The following USP21 variants were observed in gnomAD, a reference collection of about 807,000 sequenced individuals.
USP21 encodes the protein ubiquitin carboxyl-terminal hydrolase 21.
A neutral mutation model predicts 70.8 loss-of-function variants in USP21; 37 were observed. That is an observed-to-expected ratio of 0.52 (90% confidence interval 0.40 to 0.69). The LOEUF is 0.69. Among genes scored for constraint, USP21 ranks in the 30% least tolerant of loss-of-function variants. USP21 has a pLI of 0.00. For synonymous variants in USP21, 263 were observed against 283.1 expected (o/e 0.93, Z 0.71); for missense variants, 584 against 740.8 (o/e 0.79, Z 2.46).
chr1:161,165,721 A>C lies in USP21; in HGVS notation c.*274A>C. 1 of 359,472 alleles carries C rather than the reference A, an allele frequency of 2.8e-6. No individual in the cohort carries two copies. Among genetic ancestry groups the C allele is most frequent in the East Asian group, 4.5e-5 (1 of 22,374 alleles). The allele number at this position is 359,472 out of a possible 1,614,324, so 22.3% of individuals were successfully genotyped here. On this transcript the variant is annotated 3_prime_UTR_variant, in exon 14 of 14. Transcript: ENST00000368002. ...TTTTGTGAATAAATTTATTAAGAAAAAATGATGTGCTTATTTGTATTTTTG... is the reference window on the plus strand; with the variant it reads ...TTTTGTGAATAAATTTATTAAGAAACAATGATGTGCTTATTTGTATTTTTG...
Position 161,161,872 on chromosome 1 carries a change from A to C in USP21, c.601-166A>C, listed in dbSNP as rs1181758277. On this transcript the variant is annotated intron_variant, in intron 3 of 13. Transcript: ENST00000368002. The surrounding 1 kb of genome is among the most constrained non-coding windows in gnomAD (Gnocchi z 4.2). ...TTCAGCTGTGATGGGCTTACTGCTC[A>C]TGACCAGTGAGGTAGGGAGACTAGA... The C allele has an allele frequency of 1.4e-6, 1 of 690,416 alleles. No individual in the cohort carries two copies. Among genetic ancestry groups the C allele is most frequent in the East Asian group, 2.7e-5 (1 of 37,364 alleles). 42.8% of individuals were successfully genotyped at this position (690,416 alleles called of 1,614,324 possible). A position where few individuals can be genotyped will look rare whatever the true frequency, so the allele number is the denominator to read the frequency against.
rs371345569 is a variant in USP21, at chr1:161,161,923, A to G, written c.601-115A>G. The G allele has an allele frequency of 5.0e-6, 5 of 999,222 alleles. 1 individual carries two copies. The highest frequency in any genetic ancestry group is 8.0e-6 in the Non-Finnish European group (5 of 624,074). 61.9% of individuals were successfully genotyped at this position (999,222 alleles called of 1,614,324 possible). On this transcript the variant is annotated intron_variant, in intron 3 of 13. Transcript: ENST00000368002. This position sits in a 1 kb window ranked among gnomAD's most constrained non-coding sequence, Gnocchi z 4.2. ...ATACCTAGTGAGGGGAATAGGGTAGAGTTTGGGGATGAAACATGCATGGGA... is the reference window on the plus strand; with the variant it reads ...ATACCTAGTGAGGGGAATAGGGTAGGGTTTGGGGATGAAACATGCATGGGA...
Position 161,161,399 on chromosome 1 carries a change from C to A in USP21, c.600+159C>A. The A allele has an allele frequency of 1.1e-6, 1 of 911,118 alleles. No individual in the cohort carries two copies. Among genetic ancestry groups the A allele is most frequent in the South Asian group, 1.9e-5 (1 of 53,908 alleles). The allele number at this position is 911,118 out of a possible 1,614,324, so 56.4% of individuals were successfully genotyped here. A position where few individuals can be genotyped will look rare whatever the true frequency, so the allele number is the denominator to read the frequency against. On this transcript the variant is annotated intron_variant, in intron 3 of 13. Coordinates refer to ENST00000368002, the MANE Select transcript of USP21 (RefSeq NM_001014443.3). This position sits in a 1 kb window ranked among gnomAD's most constrained non-coding sequence, Gnocchi z 4.2. ...CTCCCTTGCTTAAATACCCTTGAGCCTCCTAGACCCTTTTTTGGGTTGTTG... is the reference window on the plus strand; with the variant it reads ...CTCCCTTGCTTAAATACCCTTGAGCATCCTAGACCCTTTTTTGGGTTGTTG...
At chr1:161,163,649 A>G in intron 8 of USP21, 30 bp downstream of exon 8, 1 of 1,544,250 alleles carries the variant, frequency 6.5e-7, no homozygotes, top group Non-Finnish European at 8.8e-7. Flanking sequence ...AATGAGGGAA[A>G]ATTAGTGTGT....
chr1:161,165,562 G>A lies in USP21; in HGVS notation c.*115G>A, dbSNP rs769313034. 45 of 329,516 alleles carry A rather than the reference G, an allele frequency of 1.4e-4. No homozygotes were observed. The Middle Eastern group carries it at 2.9e-3, about 21-fold the overall frequency. 20.4% of individuals were successfully genotyped at this position (329,516 alleles called of 1,614,324 possible). ...TTTTTAATCGGGGAGGGGGGAGGGG[G>A]TGGTTGTAGCTCCATTATTTTTTTT... On this transcript the variant is annotated 3_prime_UTR_variant, in exon 14 of 14. Transcript: ENST00000368002.
chr1:161,160,454 T>C lies in USP21; in HGVS notation c.-74T>C. On this transcript the variant is annotated 5_prime_UTR_variant, in exon 2 of 14. Transcript: ENST00000368002. ...CCCACTTTCGTTGATGTGGTAGTGGTGATGACTGAGCCAACCACCTAATGT... is the reference window on the plus strand; with the variant it reads ...CCCACTTTCGTTGATGTGGTAGTGGCGATGACTGAGCCAACCACCTAATGT... The C allele has an allele frequency of 1.4e-6, 1 of 730,108 alleles. No individual in the cohort carries two copies. The highest frequency in any genetic ancestry group is 1.7e-5 in the South Asian group (1 of 59,000). The allele number at this position is 730,108 out of a possible 1,614,324, so 45.2% of individuals were successfully genotyped here. A position where few individuals can be genotyped will look rare whatever the true frequency, so the allele number is the denominator to read the frequency against.
At position 161,165,393 on chromosome 1, in the gene USP21, C is replaced by G. The variant is rs770960871; in HGVS notation, c.1644C>G (p.Ser548Arg). ...SPVSENQVASSEGYVLFYQLM... is the reference protein window; with the variant it reads ...SPVSENQVASREGYVLFYQLM... ...TCAGTGAAAACCAGGTGGCATCCAGCGAGGGCTACGTGCTGTTCTACCAAC... is the reference window on the plus strand; with the variant it reads ...TCAGTGAAAACCAGGTGGCATCCAGGGAGGGCTACGTGCTGTTCTACCAAC... The change falls in exon 14 of 14, where the codon AGC (serine) becomes AGG (arginine). Residue 548 changes from serine (S) to arginine (R), a missense_variant. Coordinates refer to ENST00000368002, the MANE Select transcript of USP21 (RefSeq NM_001014443.3). 2.5e-6 allele frequency: 4 copies of G among 1,614,018 alleles called. No individual in the cohort carries two copies. The African/African-American group carries it at 4.0e-5, about 16-fold the overall frequency.
rs373250780 is a variant in USP21, at chr1:161,160,626, C to G, written c.-15C>G. 1.2e-6 allele frequency: 2 copies of G among 1,607,724 alleles called. No homozygotes were observed. Among genetic ancestry groups the G allele is most frequent in the African/African-American group, 2.7e-5 (2 of 74,782 alleles). ...CACTCTCTTCTCCTCCCAGGTCCAG[C>G]CTGTGGTGTCCACAATGCCCCAGGC... On this transcript the variant is annotated 5_prime_UTR_variant, in exon 3 of 14. Coordinates refer to ENST00000368002, the MANE Select transcript of USP21 (RefSeq NM_001014443.3).
chr1:161,160,940 G>A lies in USP21; in HGVS notation c.300G>A (p.Leu100=). Residue 100 remains leucine (L), a synonymous_variant, in exon 3 of 14, where the codon TTG becomes TTA. Coordinates refer to ENST00000368002, the MANE Select transcript of USP21 (RefSeq NM_001014443.3). ...GCTCACCACCCCCAACAGTGGCTTT[G>A]CCTCTCCCATCTCGGACCAACTTAG... ...LPGSPPPTVA[L]PLPSRTNLAR... is the part of the protein sequence containing the mutation. The A allele has an allele frequency of 1.2e-6, 2 of 1,614,232 alleles. No individual in the cohort carries two copies. The highest frequency in any genetic ancestry group is 1.7e-6 in the Non-Finnish European group (2 of 1,180,046).
At position 161,165,363 on chromosome 1, in the gene USP21, C is replaced by T. The variant is rs1658569303; in HGVS notation, c.1614C>T (p.Ser538=). Residue 538 remains serine, a synonymous_variant, in exon 14 of 14, where the codon TCC becomes TCT. Transcript: ENST00000368002. The part of the protein sequence containing the change: ...GWHVYNDSRV[S]PVSENQVASS... Reference sequence around the variant, plus strand: ...CGATCTCCTTTTTTCCTAGTGTCTCCCCTGTCAGTGAAAACCAGGTGGCAT... The same window carrying T: ...CGATCTCCTTTTTTCCTAGTGTCTCTCCTGTCAGTGAAAACCAGGTGGCAT... The T allele has an allele frequency of 6.2e-7, 1 of 1,614,024 alleles. No homozygotes were observed. The highest frequency in any genetic ancestry group is 8.5e-7 in the Non-Finnish European group (1 of 1,179,940).
intron 13 of USP21, 95 bp downstream of exon 13, chr1:161,165,238 G>C (rs1013098569): frequency 7.0e-7 from 1 of 1,429,292 alleles, no homozygotes; most frequent in African/African-American, 1.4e-5. Flanking sequence ...AGTGCCAGGT[G>C]AAAGGAGAGG....
chr1:161,161,401 C>G lies in USP21; in HGVS notation c.600+161C>G. ...CCCTTGCTTAAATACCCTTGAGCCT[C>G]CTAGACCCTTTTTTGGGTTGTTGGT... On this transcript the variant is annotated intron_variant, in intron 3 of 13. Transcript: ENST00000368002. This position sits in a 1 kb window ranked among gnomAD's most constrained non-coding sequence, Gnocchi z 4.2. 1 of 912,436 alleles carries G rather than the reference C, an allele frequency of 1.1e-6. No homozygotes were observed. The highest frequency in any genetic ancestry group is 2.6e-5 in the East Asian group (1 of 37,776). 56.5% of individuals were successfully genotyped at this position (912,436 alleles called of 1,614,324 possible).
In USP21 at chr1:161,162,609, C is replaced by A; in HGVS notation, c.782-6C>A. The A allele has an allele frequency of 6.2e-7, 1 of 1,608,604 alleles. No individual in the cohort carries two copies. The highest frequency in any genetic ancestry group is 1.1e-5 in the South Asian group (1 of 90,948). ...TTGTTTGCCTTCCCCACTCCCATCC[C>A]AACAGCCTTTGCAGATGTGATTGGT... On this transcript the variant is annotated splice_region_variant and splice_polypyrimidine_tract_variant and intron_variant, in intron 5 of 13. Coordinates refer to ENST00000368002, the MANE Select transcript of USP21 (RefSeq NM_001014443.3). The surrounding 1 kb of genome is among the most constrained non-coding windows in gnomAD (Gnocchi z 4.1).
rs1571282980 is a variant in USP21 at position 161,162,373 on chromosome 1, C to T, written c.764C>T (p.Ala255Val). ...FRQEVPGGGR[A>V]QELTEAFADV... is the part of the protein sequence containing the mutation. ...CAAGAGGTGCCTGGAGGAGGCCGAGCCCAAGAGCTCACTGAAGGTGGGGCA... is the reference window on the plus strand; with the variant it reads ...CAAGAGGTGCCTGGAGGAGGCCGAGTCCAAGAGCTCACTGAAGGTGGGGCA... Residue 255 changes from alanine to valine, a missense_variant, in exon 5 of 14, where the codon GCC (alanine) becomes GTC (valine). By Grantham distance (64) the Ala-to-Val change is moderately conservative. Coordinates refer to ENST00000368002, the MANE Select transcript of USP21 (RefSeq NM_001014443.3). This position sits in a 1 kb window ranked among gnomAD's most constrained non-coding sequence, Gnocchi z 4.1. The T allele has an allele frequency of 1.2e-6, 2 of 1,610,116 alleles. No individual in the cohort carries two copies. The highest frequency in any genetic ancestry group is 1.7e-6 in the Non-Finnish European group (2 of 1,178,122).
At position 161,162,180 on chromosome 1, in the gene USP21, A is replaced by C. The variant is rs1657978395; in HGVS notation, c.660+83A>C. ...TGGGGAAAACCCACGAGCTTGGGGA[A>C]GGCATGTGGAAGGAGAGCTCTGAAG... On this transcript the variant is annotated intron_variant, in intron 4 of 13. Transcript: ENST00000368002. This position sits in a 1 kb window ranked among gnomAD's most constrained non-coding sequence, Gnocchi z 4.1. The C allele has an allele frequency of 8.7e-6, 14 of 1,613,248 alleles. No homozygotes were observed. Among genetic ancestry groups the C allele is most frequent in the Non-Finnish European group, 1.1e-5 (13 of 1,179,218 alleles).
rs200468613 is a variant in USP21, at chr1:161,162,417, G to C, written c.781+27G>C. ...TGGGGCAACAACTCCTGCTCCCTCT[G>C]TTCAAGTCCCTTTTTCCCCAACCAC... On this transcript the variant is annotated intron_variant, in intron 5 of 13. Transcript: ENST00000368002. The surrounding 1 kb of genome is among the most constrained non-coding windows in gnomAD (Gnocchi z 4.1). The C allele has an allele frequency of 3.5e-4, 554 of 1,579,250 alleles. No individual in the cohort carries two copies. The highest frequency in any genetic ancestry group is 4.7e-4 in the Non-Finnish European group (540 of 1,161,202).
In USP21 at chr1:161,160,654, C is replaced by T; in HGVS notation, c.14C>T (p.Ser5Phe). The T allele has an allele frequency of 1.2e-6, 2 of 1,613,154 alleles. No homozygotes were observed. The highest frequency in any genetic ancestry group is 1.7e-6 in the Non-Finnish European group (2 of 1,179,296). The part of the protein sequence containing the change: MPQA[S>F]EHRLGRTREP... ...GTGGTGTCCACAATGCCCCAGGCCTCTGAGCACCGCCTGGGCCGTACCCGA... is the reference window on the plus strand; with the variant it reads ...GTGGTGTCCACAATGCCCCAGGCCTTTGAGCACCGCCTGGGCCGTACCCGA... Residue 5 changes from serine to phenylalanine, a missense_variant, in exon 3 of 14, where the codon TCT becomes TTT. Ser to Phe is a radical substitution (Grantham distance 155). Transcript: ENST00000368002.
In USP21 at chr1:161,165,399, C is replaced by G. The variant is rs908584792; in HGVS notation, c.1650C>G (p.Gly550=). The G allele has an allele frequency of 1.2e-6, 2 of 1,614,050 alleles. No homozygotes were observed. The highest frequency in any genetic ancestry group is 1.7e-6 in the Non-Finnish European group (2 of 1,180,032). The change falls in exon 14 of 14, where the codon GGC becomes GGG. Residue 550 remains glycine, a synonymous_variant. Transcript: ENST00000368002. ...VSENQVASSE[G]YVLFYQLMQE... ...AAAACCAGGTGGCATCCAGCGAGGG[C>G]TACGTGCTGTTCTACCAACTGATGC...
rs1170719953 is a variant in USP21 at position 161,165,578 on chromosome 1, TA to T, written c.*132del. ...GGGGAGGGGGTGGTTGTAGCTCCAT[TA>T]TTTTTTTTATTAAAAAATACCCTTC... On this transcript the variant is annotated 3_prime_UTR_variant, in exon 14 of 14. Coordinates refer to ENST00000368002, the MANE Select transcript of USP21 (RefSeq NM_001014443.3). 1.5e-5 allele frequency: 9 copies of T among 611,080 alleles called. No individual in the cohort carries two copies. Among genetic ancestry groups the T allele is most frequent in the Non-Finnish European group, 2.6e-5 (9 of 351,272 alleles). 37.9% of individuals were successfully genotyped at this position (611,080 alleles called of 1,614,324 possible).
Sources: allele counts gnomAD v4.1 joint callset, GRCh38; gene constraint gnomAD v4.1.1; non-coding constraint Gnocchi (gnomAD v3.1); transcripts MANE v1.5; gene names NCBI Gene and HGNC (gene_info 2026-07-23, HGNC 2026-07-21).